CFAP54: variants seen among roughly 807,000 people sequenced by gnomAD.
CFAP54 encodes cilia and flagella associated protein 54.
A neutral mutation model predicts 370.4 loss-of-function variants in CFAP54; 290 were observed. That is an observed-to-expected ratio of 0.78 (90% CI 0.71 to 0.86). CFAP54 has a LOEUF of 0.86. CFAP54 is among the 40% of genes least tolerant of loss of function. The probability of loss-of-function intolerance (pLI) is 0.00; values close to 1 mark genes in which losing one functional copy is unlikely to be tolerated. For synonymous variants in CFAP54, 1,206 were observed against 1,236.5 expected (o/e 0.98, Z 0.52); for missense variants, 3,399 against 3,528.7 (o/e 0.96, Z 0.93).
intron 39 of CFAP54, among the ~76,000 whole-genome samples, chr12:96,674,124 C>T (rs1957177029): frequency 6.6e-6 from 1 of 152,112 alleles, no homozygotes; most frequent in African/African-American, 2.4e-5. Context: ...TAGAGTTATT[C>T]AGTCCTCAGG....
At chr12:96,762,574 G>A (rs924331128) in intron 58 of CFAP54, among the ~76,000 whole-genome samples, 2 of 152,138 alleles carry the variant, frequency 1.3e-5, no homozygotes, top group African/African-American at 4.8e-5. Flanking sequence ...TTCCATTGGA[G>A]TTGACTTCTT....
rs533233308 is a variant in CFAP54, at chr12:96,509,008, T to A, written c.739+1909T>A. ...TTAGTTTCAGTAACTACTCTTCCTG[T>A]TTTAATTTATTCTCTAACTTACTGA... On this transcript the variant is annotated intron_variant, in intron 4 of 67. Coordinates refer to ENST00000524981, the MANE Select transcript of CFAP54 (RefSeq NM_001306084.2). 7.2e-5 allele frequency among the ~76,000 whole-genome samples: 11 copies of A among 152,296 alleles called. No individual in the cohort carries two copies. In the East Asian group the frequency reaches 1.5e-3, roughly 21 times the overall value.
chr12:96,737,740 G>A lies in CFAP54; in HGVS notation c.6966-2216G>A, dbSNP rs187731984. On this transcript the variant is annotated intron_variant, in intron 50 of 67. Coordinates refer to ENST00000524981, the MANE Select transcript of CFAP54 (RefSeq NM_001306084.2). The stretch of plus-strand genomic sequence containing the variant: ...CCTGACCTCGTGATATGCCCGCCTC[G>A]GCCTCCCAAAGTGCTGGGATTACAG... 1.2e-3 allele frequency among the ~76,000 whole-genome samples: 176 copies of A among 151,956 alleles called. 1 individual carries two copies. The highest frequency in any genetic ancestry group is 2.1e-3 in the Non-Finnish European group (146 of 67,948).
intron 66 of CFAP54, among the ~76,000 whole-genome samples, chr12:96,860,497 A>T (rs1464512596): frequency 6.6e-6 from 1 of 152,166 alleles, no homozygotes; most frequent in Non-Finnish European, 1.5e-5. Flanking sequence ...AGAGAGGGAG[A>T]TTTGCCAACT....
intron 55 of CFAP54, among the ~76,000 whole-genome samples, chr12:96,750,188 C>G (rs988304035): frequency 6.6e-6 from 1 of 152,212 alleles, no homozygotes; most frequent in South Asian, 2.1e-4. Context: ...AGGCTGCCTG[C>G]CCTGGTTCCC....
chr12:96,692,649 C>G (rs971774904), intron 44 of CFAP54, among the ~76,000 whole-genome samples: 1 of 152,188 alleles, frequency 6.6e-6, no homozygotes, highest in African/African-American at 2.4e-5. Context: ...CAGTTCTAAT[C>G]CTTTTAAAAA....
intron 12 of CFAP54, 103 bp from the exon 13 acceptor site, chr12:96,538,281 T>C (rs951545239): frequency 1.0e-6 from 1 of 987,582 alleles, no homozygotes; most frequent in African/African-American, 1.6e-5. Flanking sequence ...ATTCAACATG[T>C]TAGTATTTGT....
At chr12:96,780,295 AT>A (rs1354613921) in intron 60 of CFAP54, among the ~76,000 whole-genome samples, 1 of 152,126 alleles carries the variant, frequency 6.6e-6, no homozygotes, top group Admixed American at 6.5e-5. Context: ...TGTTTTTATC[AT>A]TTTTAATCTT....
chr12:96,751,844 G>A (rs1264174405), intron 55 of CFAP54, among the ~76,000 whole-genome samples: 1 of 152,036 alleles, frequency 6.6e-6, no homozygotes, highest in African/African-American at 2.4e-5. Context: ...GAGATGACGT[G>A]AGTGGCATGC....
intron 32 of CFAP54, among the ~76,000 whole-genome samples, chr12:96,640,949 G>A (rs941213981): frequency 6.6e-6 from 1 of 151,968 alleles, no homozygotes; most frequent in Admixed American, 6.5e-5. Flanking sequence ...AGACTTAAAT[G>A]TTAGACCTAA....
intron 26 of CFAP54, among the ~76,000 whole-genome samples, chr12:96,603,976 T>A (rs773374226): frequency 6.6e-6 from 1 of 152,194 alleles, no homozygotes; most frequent in African/African-American, 2.4e-5. Context: ...TCAAACTCAT[T>A]CTCCATCTGG....
At chr12:96,687,208 G>A (rs1462706268) in intron 42 of CFAP54, among the ~76,000 whole-genome samples, 1 of 152,002 alleles carries the variant, frequency 6.6e-6, no homozygotes, top group African/African-American at 2.4e-5. Context: ...CCATCGTGAC[G>A]ATCCAGGATA....
intron 39 of CFAP54, among the ~76,000 whole-genome samples, 161 bp from the exon 40 acceptor site, chr12:96,679,439 A>T (rs921146313): frequency 1.3e-5 from 2 of 152,062 alleles, no homozygotes; most frequent in African/African-American, 4.8e-5. Context: ...AGAAAAAAAA[A>T]ATTGATCTGA....
Position 96,875,298 on chromosome 12 carries a change from A to G in CFAP54, c.*195A>G, listed in dbSNP as rs759649424. On this transcript the variant is annotated 3_prime_UTR_variant, in exon 68 of 68. Transcript: ENST00000524981. ...CCATCTGATTTCTTATGATATATACAAATACTCTAGATATTGCTTTGAGAT... is the reference window on the plus strand; with the variant it reads ...CCATCTGATTTCTTATGATATATACGAATACTCTAGATATTGCTTTGAGAT... The G allele has an allele frequency of 6.6e-6, 1 of 152,152 alleles. No homozygotes were observed. The highest frequency in any genetic ancestry group is 1.5e-5 in the Non-Finnish European group (1 of 68,042). The allele number at this position is 152,152 out of a possible 1,614,324, so 9.4% of individuals were successfully genotyped here.
At chr12:96,757,963 A>G (rs1023879945) in intron 58 of CFAP54, among the ~76,000 whole-genome samples, 1 of 152,230 alleles carries the variant, frequency 6.6e-6, no homozygotes, top group African/African-American at 2.4e-5. Context: ...GGTTAAACAG[A>G]TGGACAAGTG....
chr12:96,671,690 G>A (rs1957148086), intron 39 of CFAP54, among the ~76,000 whole-genome samples: 1 of 152,222 alleles, frequency 6.6e-6, no homozygotes, highest in South Asian at 2.1e-4. Flanking sequence ...GGGAGGCCAA[G>A]GCGAGTGGAT....
intron 50 of CFAP54, among the ~76,000 whole-genome samples, chr12:96,730,670 G>A (rs903329409): frequency 2.6e-5 from 4 of 152,002 alleles, no homozygotes; most frequent in African/African-American, 9.7e-5. Context: ...CATTCAAATT[G>A]AAATTTGGAA....
chr12:96,747,219 A>C (rs1032126267), intron 55 of CFAP54, among the ~76,000 whole-genome samples: 4 of 152,242 alleles, frequency 2.6e-5, no homozygotes, highest in African/African-American at 9.6e-5. Context: ...AATGTTGCAG[A>C]ATAATTTTTA....
At chr12:96,601,966 CT>C (rs1956247489) in intron 26 of CFAP54, among the ~76,000 whole-genome samples, 2 of 152,058 alleles carry the variant, frequency 1.3e-5, no homozygotes, top group Non-Finnish European at 2.9e-5. Context: ...TTCAGTTCTA[CT>C]CTGATCTTAG....
Sources: gnomAD v4.1 joint callset for allele counts (sites outside exome capture counted in the v4.1 genomes callset) on GRCh38, gnomAD v4.1.1 for gene constraint, MANE v1.5 for transcripts, NCBI Gene and HGNC (gene_info 2026-07-23, HGNC 2026-07-21) for gene names.